Variants in RNF216 observed in about 807,000 individuals in gnomAD.
The protein encoded by RNF216 is ring finger protein 216.
Under a neutral mutation model 110.8 loss-of-function variants are expected in RNF216, and 72 were observed. That is an observed-to-expected ratio of 0.65 (90% CI 0.54 to 0.79). RNF216 has a LOEUF of 0.79. Ranked by LOEUF, RNF216 falls within the 30% of genes least tolerant of loss-of-function variation. The pLI is 0.00. For synonymous variants in RNF216, 495 were observed against 407.5 expected (o/e 1.21, Z -2.59); for missense variants, 1,342 against 1,141.2 (o/e 1.18, Z -2.54).
chr7:5,686,951 G>A (rs1791025250), intron 13 of RNF216, among the ~76,000 whole-genome samples: 1 of 152,166 alleles, frequency 6.6e-6, no homozygotes, highest in East Asian at 1.9e-4. Context: ...CTCACTCACT[G>A]GCCCAGTGCT....
chr7:5,729,400 T>C (rs752815293), intron 7 of RNF216, 32 bp downstream of exon 7: 1 of 1,608,386 alleles, frequency 6.2e-7, no homozygotes, highest in Middle Eastern at 1.7e-4. Context: ...AGTCAAGAGG[T>C]GTGACCCCAA....
chr7:5,648,846 A>G (rs76565596), intron 14 of RNF216, among the ~76,000 whole-genome samples: 3,916 of 152,270 alleles, frequency 0.026, 146 homozygotes, highest in African/African-American at 0.077. Flanking sequence ...ATCAAATGCA[A>G]TGAATCTCAT....
intron 13 of RNF216, among the ~76,000 whole-genome samples, chr7:5,709,868 C>T (rs1388482069): frequency 1.3e-5 from 2 of 152,166 alleles, no homozygotes; most frequent in East Asian, 1.9e-4. Flanking sequence ...GATTGTCCTG[C>T]CTCAGTCTCT....
intron 3 of RNF216, among the ~76,000 whole-genome samples, chr7:5,745,666 G>A (rs1029616462): frequency 2.0e-5 from 3 of 152,042 alleles, no homozygotes; most frequent in Non-Finnish European, 4.4e-5. Flanking sequence ...TTGGGAGGCT[G>A]AGGTGGGTGG....
intron 15 of RNF216, among the ~76,000 whole-genome samples, chr7:5,636,725 C>T (rs1221299156): frequency 4.6e-5 from 7 of 152,186 alleles, no homozygotes; most frequent in African/African-American, 9.7e-5. Flanking sequence ...ACAGAATCTC[C>T]GGCTGTGGCT....
intron 13 of RNF216, among the ~76,000 whole-genome samples, chr7:5,702,554 G>C (rs1421308136): frequency 6.6e-6 from 1 of 152,114 alleles, no homozygotes; most frequent in Non-Finnish European, 1.5e-5. Flanking sequence ...AGCAACATTT[G>C]CCTTTTATTA....
rs73339973 is a variant in RNF216, at chr7:5,697,218, G to C, written c.2061+14543C>G. ...GCCAATAAGACCCCACCACGGCCTG[G>C]TCAGGCCCAGACCCATGTCGCTCAT... is the stretch of plus-strand genomic sequence containing the variant. On this transcript the variant is annotated intron_variant, in intron 13 of 16. Transcript: ENST00000389902. Among the ~76,000 whole-genome samples the C allele has an allele frequency of 6.5e-3, 993 of 152,312 alleles. 11 individuals carry two copies. The highest frequency in any genetic ancestry group is 0.023 in the African/African-American group (942 of 41,560).
At chr7:5,652,899 T>G (rs994934098) in intron 13 of RNF216, among the ~76,000 whole-genome samples, 46 of 152,210 alleles carry the variant, frequency 3.0e-4, no homozygotes, top group African/African-American at 1.1e-3. Flanking sequence ...GTTGCTCCCA[T>G]CACTTAATTT....
intron 13 of RNF216, among the ~76,000 whole-genome samples, chr7:5,688,945 C>A (rs536168240): frequency 6.6e-6 from 1 of 152,106 alleles, no homozygotes; most frequent in Non-Finnish European, 1.5e-5. Flanking sequence ...ATGAGAGAAG[C>A]GGGAAAAATA....
At chr7:5,671,845 C>G (rs1323575309) in intron 13 of RNF216, among the ~76,000 whole-genome samples, 1 of 144,998 alleles carries the variant, frequency 6.9e-6, no homozygotes, top group Non-Finnish European at 1.5e-5. Flanking sequence ...GAGAGAGACA[C>G]CAGAGGAGTG....
chr7:5,677,675 T>C (rs1023753591), intron 13 of RNF216, among the ~76,000 whole-genome samples: 1 of 152,018 alleles, frequency 6.6e-6, no homozygotes, highest in Non-Finnish European at 1.5e-5. Context: ...GCTATGAGAG[T>C]AGGTGAATCC....
At chr7:5,639,537 C>T (rs1001667626) in intron 15 of RNF216, among the ~76,000 whole-genome samples, 1 of 151,940 alleles carries the variant, frequency 6.6e-6, no homozygotes, top group Non-Finnish European at 1.5e-5. Context: ...GATCTCAGCT[C>T]ACTGCAACCT....
chr7:5,709,572 A>G (rs1450217878), intron 13 of RNF216, among the ~76,000 whole-genome samples: 1 of 152,184 alleles, frequency 6.6e-6, no homozygotes, highest in Non-Finnish European at 1.5e-5. Context: ...ACTGACCACA[A>G]GAAGCTACAT....
chr7:5,721,413 C>G (rs1349639124), intron 8 of RNF216, among the ~76,000 whole-genome samples: 1 of 152,220 alleles, frequency 6.6e-6, no homozygotes, highest in African/African-American at 2.4e-5. Context: ...AAGGCATCTC[C>G]TATCCTGTCA....
rs1361597577 is a variant in RNF216 at position 5,739,386 on chromosome 7, T to C, written c.1045-34A>G. The C allele has an allele frequency of 5.1e-6, 8 of 1,573,252 alleles. No individual in the cohort carries two copies. The Admixed American group carries it at 5.7e-5, about 11-fold the overall frequency. On this transcript the variant is annotated intron_variant, in intron 4 of 16. Coordinates refer to ENST00000389902, the MANE Select transcript of RNF216 (RefSeq NM_207111.4). ...AAATAAGAACATAATTTATATTTCATTCACTAGAATGGTTTCAAATGGCAA... is the reference window on the plus strand; with the variant it reads ...AAATAAGAACATAATTTATATTTCACTCACTAGAATGGTTTCAAATGGCAA...
At chr7:5,649,495 T>G (rs1025884630) in intron 14 of RNF216, 3 of 151,914 alleles carry the variant, frequency 2.0e-5, no homozygotes, top group African/African-American at 7.3e-5. Context: ...GATGACAGAA[T>G]AAGACACTGT....
At chr7:5,742,419 T>C (rs897520413) in intron 3 of RNF216, among the ~76,000 whole-genome samples, 4 of 152,014 alleles carry the variant, frequency 2.6e-5, no homozygotes, top group Non-Finnish European at 4.4e-5. Flanking sequence ...GAAAGAATGC[T>C]AACACATCAG....
chr7:5,652,239 G>A (rs541852057), intron 14 of RNF216, among the ~76,000 whole-genome samples, 174 bp downstream of exon 14: 4 of 152,230 alleles, frequency 2.6e-5, no homozygotes, highest in African/African-American at 9.6e-5. Context: ...AACTCCATGA[G>A]GCTGCAGAGA....
At chr7:5,633,303 C>T (rs890205182) in intron 15 of RNF216, among the ~76,000 whole-genome samples, 5 of 151,148 alleles carry the variant, frequency 3.3e-5, no homozygotes, top group Admixed American at 1.3e-4. Context: ...AGGCCGGGTG[C>T]GGTGGCTCAT....
Sources: gnomAD v4.1 joint callset for allele counts (sites outside exome capture counted in the v4.1 genomes callset) on GRCh38, gnomAD v4.1.1 for gene constraint, MANE v1.5 for transcripts, NCBI Gene and HGNC (gene_info 2026-07-23, HGNC 2026-07-21) for gene names.